The following KCTD8 variants were observed in gnomAD, a reference collection of about 807,000 sequenced individuals.
The protein encoded by KCTD8 is BTB/POZ domain-containing protein KCTD8.
In KCTD8, 27 loss-of-function variants were observed where a neutral mutation model predicts 31.5. The ratio of observed to expected loss-of-function variants is 0.86; its 90% confidence interval spans 0.63 to 1.18. The LOEUF (loss-of-function observed/expected upper bound fraction) is 1.18. Ranked by LOEUF, KCTD8 falls within the 50% of genes most tolerant of loss-of-function variation. KCTD8 has a pLI of 0.00. For missense variants in KCTD8, 658 were observed against 647.7 expected, an observed-to-expected ratio of 1.02 and a Z score of -0.17; for synonymous variants, 290 against 280.0, an observed-to-expected ratio of 1.04 and a Z score of -0.36.
intron 1 of KCTD8, among the ~76,000 whole-genome samples, chr4:44,318,074 G>A (rs537001132): frequency 2.6e-5 from 4 of 152,270 alleles, no homozygotes; most frequent in African/African-American, 7.2e-5. Flanking sequence ...GGAGGCCCCT[G>A]CTTATATCTG....
At chr4:44,195,091 T>A (rs879792283) in intron 1 of KCTD8, among the ~76,000 whole-genome samples, 1 of 151,786 alleles carries the variant, frequency 6.6e-6, no homozygotes, top group South Asian at 2.1e-4. Context: ...TTGGTCAGGC[T>A]GATCTTGAAC....
At chr4:44,415,649 A>G (rs1721062408) in intron 1 of KCTD8, among the ~76,000 whole-genome samples, 1 of 152,180 alleles carries the variant, frequency 6.6e-6, no homozygotes, top group South Asian at 2.1e-4. Flanking sequence ...TCAAGGTACA[A>G]TTTGGGCTGC....
intron 1 of KCTD8, among the ~76,000 whole-genome samples, chr4:44,409,753 T>A (rs1720905465): frequency 6.7e-6 from 1 of 150,190 alleles, no homozygotes; most frequent in South Asian, 2.1e-4. Flanking sequence ...TAAAAACAAC[T>A]GAACAGCCCT....
chr4:44,197,709 G>A (rs1713989587), intron 1 of KCTD8, among the ~76,000 whole-genome samples: 1 of 152,146 alleles, frequency 6.6e-6, no homozygotes, highest in Non-Finnish European at 1.5e-5. Context: ...AGCCCTCTCA[G>A]ATGGGAAAAA....
chr4:44,255,253 G>C (rs1454137949), intron 1 of KCTD8, among the ~76,000 whole-genome samples: 2 of 151,670 alleles, frequency 1.3e-5, no homozygotes, highest in Non-Finnish European at 2.9e-5. Flanking sequence ...CAGTTCTTCT[G>C]TGGTTGCTAA....
At chr4:44,295,977 C>G (rs1455292825) in intron 1 of KCTD8, among the ~76,000 whole-genome samples, 3 of 152,188 alleles carry the variant, frequency 2.0e-5, no homozygotes, top group South Asian at 4.1e-4. Flanking sequence ...TGAAACTACT[C>G]TACCCAACTG....
At chr4:44,401,011 C>CTTTTTTTT (rs59602420) in intron 1 of KCTD8, among the ~76,000 whole-genome samples, 12 of 95,914 alleles carry the variant, frequency 1.3e-4, no homozygotes, top group East Asian at 7.2e-4. Flanking sequence ...AATTTTCTTT[C>CTTTTTTTT]TTTTTTTTTT....
intron 1 of KCTD8, among the ~76,000 whole-genome samples, chr4:44,207,420 C>T (rs1027516440): frequency 2.0e-5 from 3 of 152,042 alleles, no homozygotes; most frequent in Admixed American, 6.6e-5. Context: ...TTTCATTTTA[C>T]GTTTCTTGTT....
intron 1 of KCTD8, among the ~76,000 whole-genome samples, chr4:44,424,932 T>C (rs180947553): frequency 8.3e-4 from 126 of 152,012 alleles, no homozygotes; most frequent in Non-Finnish European, 8.5e-4. Flanking sequence ...CATTTGGAAA[T>C]AGGGTCTTTA....
At chr4:44,230,049 C>T (rs1715078858) in intron 1 of KCTD8, among the ~76,000 whole-genome samples, 1 of 151,778 alleles carries the variant, frequency 6.6e-6, no homozygotes, top group South Asian at 2.1e-4. Context: ...ATTAAATCAA[C>T]TTCCACTCCT....
At chr4:44,255,856 C>G (rs553559366) in intron 1 of KCTD8, among the ~76,000 whole-genome samples, 1 of 151,910 alleles carries the variant, frequency 6.6e-6, no homozygotes, top group Non-Finnish European at 1.5e-5. Context: ...ACAGGACACA[C>G]AGGAAAGTGT....
intron 1 of KCTD8, among the ~76,000 whole-genome samples, chr4:44,198,918 C>T (rs1714033119): frequency 6.6e-6 from 1 of 152,074 alleles, no homozygotes; most frequent in African/African-American, 2.4e-5. Context: ...ACCCATCTCA[C>T]ATGTAATGAC....
chr4:44,195,474 A>G (rs1315411706), intron 1 of KCTD8, among the ~76,000 whole-genome samples: 2 of 152,202 alleles, frequency 1.3e-5, no homozygotes, highest in African/African-American at 4.8e-5. Context: ...TAAGGTTAAG[A>G]GGAAAGATCA....
chr4:44,235,525 T>A (rs1459555740), intron 1 of KCTD8, among the ~76,000 whole-genome samples: 1 of 55,064 alleles, frequency 1.8e-5, no homozygotes, highest in Non-Finnish European at 3.8e-5. Context: ...AGACACTGGA[T>A]TATATATATA....
chr4:44,414,996 A>G (rs184941653), intron 1 of KCTD8, among the ~76,000 whole-genome samples: 1 of 152,304 alleles, frequency 6.6e-6, no homozygotes, highest in Non-Finnish European at 1.5e-5. Flanking sequence ...GAGACTTGTT[A>G]AATGCTTGTG....
In KCTD8 at chr4:44,432,210, A is replaced by C. The variant is rs374703289; in HGVS notation, c.961+15353T>G. On this transcript the variant is annotated intron_variant, in intron 1 of 1. Transcript: ENST00000360029. ...TTTTAATTATAAAATAAAAAGCTGC[A>C]ACTAAAAGATTTGTAAAAAAAATTA... 5.9e-5 allele frequency among the ~76,000 whole-genome samples: 9 copies of C among 151,596 alleles called. No homozygotes were observed. The East Asian group carries it at 1.5e-3, about 26-fold the overall frequency.
intron 1 of KCTD8, among the ~76,000 whole-genome samples, chr4:44,392,187 C>T (rs939594327): frequency 4.6e-5 from 7 of 151,854 alleles, no homozygotes; most frequent in Admixed American, 3.9e-4. Context: ...TTTTACTTTC[C>T]GATAAACACT....
At chr4:44,349,669 T>G (rs1462174067) in intron 1 of KCTD8, among the ~76,000 whole-genome samples, 4 of 152,182 alleles carry the variant, frequency 2.6e-5, no homozygotes, top group African/African-American at 9.6e-5. Flanking sequence ...TACCTTGCAC[T>G]TACACGACTA....
intron 1 of KCTD8, among the ~76,000 whole-genome samples, chr4:44,249,152 A>C (rs563584362): frequency 2.0e-5 from 3 of 151,956 alleles, no homozygotes; most frequent in South Asian, 2.1e-4. Flanking sequence ...CTTTCATTAA[A>C]TTTTATTTGG....
Sources: gnomAD v4.1 joint callset for allele counts (sites outside exome capture counted in the v4.1 genomes callset) on GRCh38, gnomAD v4.1.1 for gene constraint, MANE v1.5 for transcripts, NCBI Gene and HGNC (gene_info 2026-07-23, HGNC 2026-07-21) for gene names.